Variants in CFAP97 observed in about 807,000 individuals in gnomAD.
CFAP97 encodes the protein cilia- and flagella-associated protein 97.
A neutral mutation model predicts 43.1 loss-of-function variants in CFAP97; 36 were observed. The ratio of observed to expected loss-of-function variants is 0.84; its 90% CI spans 0.64 to 1.10. The LOEUF is 1.10. Ranked by LOEUF, CFAP97 falls within the 50% of genes least tolerant of loss-of-function variation. CFAP97 has a pLI of 0.00. For missense variants in CFAP97, 657 were observed against 620.3 expected (o/e 1.06, Z -0.63); for synonymous variants, 228 against 225.7 (o/e 1.01, Z -0.09).
chr4:185,172,925 G>A (rs1416173857), intron 3 of CFAP97, among the ~76,000 whole-genome samples: 2 of 151,244 alleles, frequency 1.3e-5, no homozygotes, highest in Non-Finnish European at 2.9e-5. Flanking sequence ...TTGAGTATGA[G>A]AAGGCTTGCA....
rs915219250 is a variant in CFAP97, at chr4:185,191,273, A to G, written c.-16-61T>C. 35 of 1,145,926 alleles carry G rather than the reference A, an allele frequency of 3.1e-5. No individual in the cohort carries two copies. In the African/African-American group the frequency reaches 5.2e-4, roughly 17 times the overall value. 71.0% of individuals were successfully genotyped at this position (1,145,926 alleles called of 1,614,324 possible). ...ATTTCCAAATACTTTCCATTTGTAT[A>G]CAATAATTAAATAATTTTCCCAAAC... On this transcript the variant is annotated intron_variant, in intron 1 of 4. Transcript: ENST00000458385.
At chr4:185,177,137 G>C (rs1735581227) in intron 2 of CFAP97, among the ~76,000 whole-genome samples, 1 of 152,186 alleles carries the variant, frequency 6.6e-6, no homozygotes, top group Non-Finnish European at 1.5e-5. Flanking sequence ...ACTGAGGCCA[G>C]GCGCGGTGGC....
chr4:185,185,390 A>T (rs796919801), intron 2 of CFAP97, among the ~76,000 whole-genome samples: 24 of 152,338 alleles, frequency 1.6e-4, no homozygotes, highest in African/African-American at 5.5e-4. Context: ...ATTTAATTTC[A>T]ACCACCATCC....
rs185673009 is a variant in CFAP97, at chr4:185,185,887, A to G, written c.1054+4256T>C. On this transcript the variant is annotated intron_variant, in intron 2 of 4. Coordinates refer to ENST00000458385, the MANE Select transcript of CFAP97 (RefSeq NM_020827.3). The stretch of plus-strand genomic sequence containing the variant: ...ACTCCTGGGCTCAAGTGATCTGCCT[A>G]CGTCTGCCTCCCAAAGTGCTGGGAT... Among the ~76,000 whole-genome samples, 122 of 152,098 alleles carry G rather than the reference A, an allele frequency of 8.0e-4. 1 individual carries two copies. The highest frequency in any genetic ancestry group is 2.7e-3 in the African/African-American group (114 of 41,482).
intron 2 of CFAP97, among the ~76,000 whole-genome samples, chr4:185,178,907 T>C (rs1735668526): frequency 6.6e-6 from 1 of 152,016 alleles, no homozygotes; most frequent in Non-Finnish European, 1.5e-5. Flanking sequence ...ACCACACTGG[T>C]AGATCTGGCC....
chr4:185,197,841 G>C (rs1736626403), intron 1 of CFAP97, among the ~76,000 whole-genome samples: 1 of 152,212 alleles, frequency 6.6e-6, no homozygotes, highest in Non-Finnish European at 1.5e-5. Flanking sequence ...TGAAAGTCCA[G>C]GAGACAGGCC....
At chr4:185,185,472 T>C (rs1735969934) in intron 2 of CFAP97, among the ~76,000 whole-genome samples, 1 of 152,198 alleles carries the variant, frequency 6.6e-6, no homozygotes, top group African/African-American at 2.4e-5. Context: ...ACAGTATTTA[T>C]TACCAATAAT....
upstream of CFAP97, chr4:185,209,866 AG>A: frequency 1.0e-6 from 1 of 982,672 alleles, no homozygotes; most frequent in African/African-American, 1.8e-5. The surrounding 1 kb of genome is among the most constrained non-coding windows in gnomAD (Gnocchi z 5.2). Context: ...CGCCGGCCCC[AG>A]CCCCGCGCGG....
chr4:185,174,377 TC>T (rs1374726070), intron 3 of CFAP97, among the ~76,000 whole-genome samples: 1 of 152,214 alleles, frequency 6.6e-6, no homozygotes, highest in Non-Finnish European at 1.5e-5. Flanking sequence ...AGCTTAGTTA[TC>T]TGTTCCTTGC....
chr4:185,187,978 C>T (rs998884483), intron 2 of CFAP97, among the ~76,000 whole-genome samples: 4 of 151,366 alleles, frequency 2.6e-5, no homozygotes, highest in South Asian at 2.1e-4. Context: ...CTAACTGCAA[C>T]CTCCACCTCC....
chr4:185,181,710 C>T (rs2111361415), intron 2 of CFAP97, among the ~76,000 whole-genome samples: 1 of 152,334 alleles, frequency 6.6e-6, no homozygotes, highest in East Asian at 1.9e-4. Flanking sequence ...GTATTACATT[C>T]TTCAGCTATG....
Position 185,169,521 on chromosome 4 carries a change from C to A in CFAP97, c.1321-5342G>T, listed in dbSNP as rs575818701. On this transcript the variant is annotated intron_variant, in intron 3 of 4. Coordinates refer to ENST00000458385, the MANE Select transcript of CFAP97 (RefSeq NM_020827.3). ...TAAAACTCTTTTGTTTATAAATTAC[C>A]CAGTCTCAGGTAGTATCTTTACAGC... 1.2e-5 allele frequency: 9 copies of A among 757,402 alleles called. No homozygotes were observed. The South Asian group carries it at 4.8e-4, about 40-fold the overall frequency. 46.9% of individuals were successfully genotyped at this position (757,402 alleles called of 1,614,324 possible). A position where few individuals can be genotyped will look rare whatever the true frequency, so the allele number is the denominator to read the frequency against.
Position 185,190,798 on chromosome 4 carries a change from T to C in CFAP97, c.399A>G (p.Thr133=). The part of the protein sequence containing the change: ...IVKEGEDDYY[T]DGEESSDDGK... ...CATCATCACTGCTTTCCTCTCCATC[T>C]GTGTAGTAATCATCTTCACCTTCTT... Residue 133 remains threonine (T), a synonymous_variant, in exon 2 of 5, where the codon ACA becomes ACG. Coordinates refer to ENST00000458385, the MANE Select transcript of CFAP97 (RefSeq NM_020827.3). 1 of 1,607,312 alleles carries C rather than the reference T, an allele frequency of 6.2e-7. No individual in the cohort carries two copies. Among genetic ancestry groups the C allele is most frequent in the Non-Finnish European group, 8.5e-7 (1 of 1,176,254 alleles).
intron 2 of CFAP97, among the ~76,000 whole-genome samples, chr4:185,185,145 G>T (rs1260646327): frequency 6.6e-6 from 1 of 151,860 alleles, no homozygotes; most frequent in Non-Finnish European, 1.5e-5. Context: ...ACAATAGGCT[G>T]CAACTTTTTA....
At chr4:185,175,716 TC>T (rs1735488692) in intron 3 of CFAP97, 69 bp downstream of exon 3, 7 of 1,443,190 alleles carry the variant, frequency 4.9e-6, no homozygotes, top group African/African-American at 4.2e-5. Context: ...TATTTAGGTT[TC>T]CTGTAAGCTG....
upstream of CFAP97, among the ~76,000 whole-genome samples, chr4:185,204,989 AGTT>A (rs1737122319): frequency 6.6e-6 from 1 of 152,374 alleles, no homozygotes; most frequent in East Asian, 1.9e-4. Flanking sequence ...ACAATCCAGT[AGTT>A]AATAAATATT....
At chr4:185,176,109 C>CTTTTTT (rs113459393) in intron 2 of CFAP97, 58 bp from the exon 3 acceptor site, 21,076 of 1,022,272 alleles carry the variant, frequency 0.021, 32 homozygotes, top group Non-Finnish European at 0.022. Flanking sequence ...GTGGTACATG[C>CTTTTTT]TTTTTTTTTT....
At chr4:185,193,082 G>A (rs1210288817) in intron 1 of CFAP97, among the ~76,000 whole-genome samples, 1 of 152,016 alleles carries the variant, frequency 6.6e-6, no homozygotes, top group Non-Finnish European at 1.5e-5. Flanking sequence ...AAAAACCCCA[G>A]GACTCCTTCG....
At chr4:185,176,314 T>C (rs1334877351) in intron 2 of CFAP97, among the ~76,000 whole-genome samples, 3 of 152,088 alleles carry the variant, frequency 2.0e-5, no homozygotes, top group Non-Finnish European at 4.4e-5. Flanking sequence ...GGTTTCACCA[T>C]GTTGCCCAGG....
Sources: gnomAD v4.1 joint callset for allele counts (sites outside exome capture counted in the v4.1 genomes callset) on GRCh38, gnomAD v4.1.1 for gene constraint, Gnocchi (gnomAD v3.1) non-coding constraint, MANE v1.5 for transcripts, NCBI Gene and HGNC (gene_info 2026-07-23, HGNC 2026-07-21) for gene names.